KANSL3: variants seen among roughly 807,000 people sequenced by gnomAD.
The protein encoded by KANSL3 is NSL complex protein NSL3.
A neutral mutation model predicts 89.2 loss-of-function variants in KANSL3; 16 were observed. The observed-to-expected ratio is 0.18, with a 90% CI of 0.12 to 0.27. The LOEUF (loss-of-function observed/expected upper bound fraction) is 0.27, where lower values mean the gene tolerates loss of function less well. Among genes scored for constraint, KANSL3 ranks in the 10% least tolerant of loss-of-function variants. The pLI, the probability that KANSL3 is intolerant of heterozygous loss-of-function variation, is 1.00. For synonymous variants in KANSL3, 385 were observed against 419.7 expected (o/e 0.92, Z 1.01); for missense variants, 879 against 1,110.6 (o/e 0.79, Z 2.96).
intron 5 of KANSL3, among the ~76,000 whole-genome samples, chr2:96,616,260 T>C (rs946232989): frequency 1.3e-5 from 2 of 152,204 alleles, no homozygotes; most frequent in African/African-American, 4.8e-5. Flanking sequence ...ACTCAACACT[T>C]TGAGGCAAAG....
In KANSL3 at chr2:96,610,990, T is replaced by A; in HGVS notation, c.1161+74A>T. ...CATGCAACTGCAGTCAGCCTCAGCA[T>A]CAGCTTGGACAAGGCATGCACACTC... On this transcript the variant is annotated intron_variant, in intron 10 of 20. Coordinates refer to ENST00000431828, the MANE Select transcript of KANSL3 (RefSeq NM_001115016.3). 5 of 1,579,256 alleles carry A rather than the reference T, an allele frequency of 3.2e-6. No homozygotes were observed. In the Admixed American group the frequency reaches 6.7e-5, roughly 21 times the overall value.
At chr2:96,631,276 AC>A (rs760961596) in intron 3 of KANSL3, 35 bp downstream of exon 3, 33 of 1,415,468 alleles carry the variant, frequency 2.3e-5, no homozygotes, top group Non-Finnish European at 3.0e-5. Flanking sequence ...CAAAATAATT[AC>A]AGGGCAGTGA....
rs142774868 is a variant in KANSL3, at chr2:96,615,705, A to G, written c.664-2086T>C. Among the ~76,000 whole-genome samples the G allele has an allele frequency of 5.6e-3, 853 of 152,370 alleles. 8 individuals are homozygous for G. The highest frequency in any genetic ancestry group is 0.018 in the African/African-American group (768 of 41,586). ...CTCTTAATTTAAAAACAGGGACACT[A>G]AAAGGATTTCTGTATGAGAAATTAG... On this transcript the variant is annotated intron_variant, in intron 5 of 20. Coordinates refer to ENST00000431828, the MANE Select transcript of KANSL3 (RefSeq NM_001115016.3).
intron 2 of KANSL3, among the ~76,000 whole-genome samples, chr2:96,633,672 C>T (rs1306571980): frequency 2.0e-5 from 3 of 151,828 alleles, no homozygotes; most frequent in Admixed American, 6.6e-5. Context: ...TTGCAACCAG[C>T]CTGGGCAACA....
intron 3 of KANSL3, among the ~76,000 whole-genome samples, chr2:96,630,253 A>G (rs1573622393): frequency 6.6e-6 from 1 of 152,256 alleles, no homozygotes; most frequent in African/African-American, 2.4e-5. Context: ...CACAATTGCC[A>G]AAAAATGAAA....
intron 3 of KANSL3, among the ~76,000 whole-genome samples, chr2:96,626,352 A>C (rs2072308482): frequency 1.3e-5 from 2 of 151,842 alleles, no homozygotes; most frequent in Non-Finnish European, 2.9e-5. Flanking sequence ...AAGGAAGGGG[A>C]AATAAAGAGG....
At chr2:96,612,671 A>ATTAGAGGAGGCTCCACATGAAAGAAGGG (rs1435310918) in intron 7 of KANSL3, 108 bp from the exon 8 acceptor site, 18 of 1,147,252 alleles carry the variant, frequency 1.6e-5, no homozygotes, top group African/African-American at 3.1e-5. Flanking sequence ...TGAAAGAAGG[A>ATTAGAGGAGGCTCCACATGAAAGAAGGG]TTAGAGGAGG....
chr2:96,619,586 T>A, intron 4 of KANSL3, 42 bp from the exon 5 acceptor site: 1 of 1,609,876 alleles, frequency 6.2e-7, no homozygotes, highest in Non-Finnish European at 8.5e-7. Flanking sequence ...GAGGACTACC[T>A]GGTTAACAAG....
chr2:96,631,315 T>G lies in KANSL3; in HGVS notation c.383A>C (p.Asn128Thr), dbSNP rs1358900181. ...PPPEDWEEHV[N>T]RTGWTMAQNK... ...ATCCTCCTGATGAGCAGCCTACCTG[T>G]TGACATGCTCCTCCCAGTCCTCTGG... Residue 128 changes from asparagine (N) to threonine (T), a missense_variant, in exon 3 of 21, where the codon AAC becomes ACC. Asn to Thr is a moderately conservative substitution (Grantham distance 65, BLOSUM62 0). Coordinates refer to ENST00000431828, the MANE Select transcript of KANSL3 (RefSeq NM_001115016.3). 5.6e-6 allele frequency: 9 copies of G among 1,610,568 alleles called. No homozygotes were observed. The highest frequency in any genetic ancestry group is 7.6e-6 in the Non-Finnish European group (9 of 1,177,098).
intron 12 of KANSL3, 63 bp downstream of exon 12, chr2:96,609,434 ACC>A (rs2068522081): frequency 6.8e-7 from 1 of 1,472,756 alleles, no homozygotes; most frequent in African/African-American, 1.4e-5. Flanking sequence ...TACCAATAAG[ACC>A]AAACCTAAAA....
In KANSL3 at chr2:96,595,571, C is replaced by T. The variant is rs780323665; in HGVS notation, c.*40G>A. 3.1e-6 allele frequency: 5 copies of T among 1,612,506 alleles called. No individual in the cohort carries two copies. In the Admixed American group the frequency reaches 6.7e-5, roughly 22 times the overall value. On this transcript the variant is annotated 3_prime_UTR_variant, in exon 21 of 21. Coordinates refer to ENST00000431828, the MANE Select transcript of KANSL3 (RefSeq NM_001115016.3). ...TGTCCAGGGCCCACCATGAGGCAGC[C>T]ATCACCAACTTGGTAAGGAGGACAT... is the stretch of plus-strand genomic sequence containing the variant.
At chr2:96,581,236 C>T in the KANSL3 span, among the ~76,000 whole-genome samples, 1 of 152,166 alleles carries the variant, frequency 6.6e-6, no homozygotes, top group Admixed American at 6.5e-5. Context: ...CCAGCCTGAC[C>T]AACATGGTGA....
rs1327396337 is a variant in KANSL3, at chr2:96,631,356, T to C, written c.342A>G (p.Ala114=). The change falls in exon 3 of 21, where the codon GCA becomes GCG. Residue 114 remains alanine (A), a synonymous_variant. Coordinates refer to ENST00000431828, the MANE Select transcript of KANSL3 (RefSeq NM_001115016.3). ...ERHVIFARTD[A]DAPPPPEDWE... ...AGTCCTCTGGTGGAGGAGGGGCATC[T>C]GCATCAGTCCTGGCAAAGATGACAT... 2 of 1,613,338 alleles carry C rather than the reference T, an allele frequency of 1.2e-6. No homozygotes were observed. The highest frequency in any genetic ancestry group is 1.7e-6 in the Non-Finnish European group (2 of 1,179,644).
At chr2:96,604,911 C>CTT in intron 15 of KANSL3, 48 bp from the exon 16 acceptor site, 1 of 1,483,746 alleles carries the variant, frequency 6.7e-7, no homozygotes, top group Non-Finnish European at 9.2e-7. Context: ...TATTTGGCCT[C>CTT]TATGTTTCCA....
chr2:96,605,012 GTTA>G, intron 15 of KANSL3, 149 bp from the exon 16 acceptor site: 3 of 664,898 alleles, frequency 4.5e-6, no homozygotes, highest in South Asian at 4.5e-5. Flanking sequence ...GAGAGTTGGG[GTTA>G]TTTTTTCCTT....
rs182344915 is a variant in KANSL3 at position 96,626,848 on chromosome 2, G to T, written c.386+4464C>A. 4.6e-5 allele frequency among the ~76,000 whole-genome samples: 7 copies of T among 152,252 alleles called. No homozygotes were observed. The East Asian group carries it at 1.4e-3, about 29-fold the overall frequency. ...AAGCTCACTTTTTCTATAAGAGGCC[G>T]GACAGAAAATGTTTTAGGGTTTCCA... On this transcript the variant is annotated intron_variant, in intron 3 of 20. Transcript: ENST00000431828.
Position 96,608,667 on chromosome 2 carries a change from G to A in KANSL3, c.1585-3C>T. The stretch of plus-strand genomic sequence containing the variant: ...CTGCTGGACACACTGGAGAGATCCT[G>A]AGTAAGGTGAGAAGGTCAAGAGATG... On this transcript the variant is annotated splice_polypyrimidine_tract_variant and splice_region_variant and intron_variant, in intron 13 of 20. Transcript: ENST00000431828. 1 of 1,614,002 alleles carries A rather than the reference G, an allele frequency of 6.2e-7. No individual in the cohort carries two copies. The highest frequency in any genetic ancestry group is 8.5e-7 in the Non-Finnish European group (1 of 1,179,888).
rs2070887124 is a variant in KANSL3 at position 96,619,711 on chromosome 2, G to A, written c.438C>T (p.Ala146=). 1.3e-6 allele frequency: 2 copies of A among 1,563,890 alleles called. No individual in the cohort carries two copies. Among genetic ancestry groups the A allele is most frequent in the Non-Finnish European group, 1.7e-6 (2 of 1,153,876 alleles). The change falls in exon 4 of 21, where the codon GCC becomes GCT. Residue 146 remains alanine (A), a synonymous_variant. Transcript: ENST00000431828. ...QNKLFNKILK[A]LQSDRLARLA... ...AGCGGGCAAGCCGGTCAGACTGCAG[G>A]GCTTTGAGGATCTTGTTGAATAGCT...
intron 3 of KANSL3, among the ~76,000 whole-genome samples, chr2:96,620,131 T>C (rs2070976611): frequency 6.6e-6 from 1 of 152,196 alleles, no homozygotes; most frequent in Non-Finnish European, 1.5e-5. Context: ...AGACGACATA[T>C]TTGAATTTCA....
Sources: gnomAD v4.1 joint callset for allele counts (sites outside exome capture counted in the v4.1 genomes callset) on GRCh38, gnomAD v4.1.1 for gene constraint, MANE v1.5 for transcripts, NCBI Gene and HGNC (gene_info 2026-07-23, HGNC 2026-07-21) for gene names.